TUBB: variants seen among roughly 807,000 people sequenced by gnomAD.
The protein encoded by TUBB is tubulin beta chain.
A neutral mutation model predicts 35.1 loss-of-function variants in TUBB; 2 were observed. That is an observed-to-expected ratio of 0.06 (90% CI 0.02 to 0.18). TUBB has a LOEUF of 0.18. Ranked by LOEUF, TUBB falls within the 10% of genes least tolerant of loss-of-function variation. The probability of loss-of-function intolerance (pLI) is 1.00; values close to 1 mark genes in which losing one functional copy is unlikely to be tolerated. For synonymous variants in TUBB, 205 were observed against 223.8 expected (o/e 0.92, Z 0.75); for missense variants, 50 against 599.4 (o/e 0.08, Z 9.57).
rs1581666286 is a variant in TUBB, at chr6:30,722,801, A to T, written c.167-117A>T. Reference sequence around the variant, plus strand: ...GTCGGGGCCAAAGACGTCTGCTGCCACCTGGTGGCGGGACCTGGAATGACA... The same window carrying T: ...GTCGGGGCCAAAGACGTCTGCTGCCTCCTGGTGGCGGGACCTGGAATGACA... On this transcript the variant is annotated intron_variant, in intron 2 of 3. Coordinates refer to ENST00000327892, the MANE Select transcript of TUBB (RefSeq NM_178014.4). 9 of 1,134,926 alleles carry T rather than the reference A, an allele frequency of 7.9e-6. No individual in the cohort carries two copies. In the East Asian group the frequency reaches 2.2e-4, roughly 28 times the overall value. The allele number at this position is 1,134,926 out of a possible 1,614,324, so 70.3% of individuals were successfully genotyped here.
intron 1 of TUBB, chr6:30,721,452 C>G: frequency 1.5e-6 from 1 of 687,492 alleles, no homozygotes; most frequent in Non-Finnish European, 1.8e-6. Context: ...CGTGGGCGCG[C>G]GGGGACAATG....
rs755911366 is a variant in TUBB, at chr6:30,723,989, A to T, written c.927A>T (p.Arg309=). ...CTGCCTGTGACCCCCGCCACGGCCG[A>T]TACCTCACCGTGGCTGCTGTCTTCC... ...MMAACDPRHG[R]YLTVAAVFRG... The change falls in exon 4 of 4, where the codon CGA becomes CGT. Residue 309 remains arginine, a synonymous_variant. Transcript: ENST00000327892. The T allele has an allele frequency of 1.1e-5, 18 of 1,613,998 alleles. No individual in the cohort carries two copies. The highest frequency in any genetic ancestry group is 1.4e-5 in the Non-Finnish European group (16 of 1,180,006).
intron 1 of TUBB, chr6:30,721,919 C>T: frequency 1.0e-6 from 1 of 983,956 alleles, no homozygotes; most frequent in Non-Finnish European, 1.2e-6. Flanking sequence ...TGGGATCCCT[C>T]CAGGTCAGGG....
At position 30,724,277 on chromosome 6, in the gene TUBB, G is replaced by A. The variant is rs1182189971; in HGVS notation, c.1215G>A (p.Glu405=). ...GGTACACAGGCGAGGGCATGGACGAGATGGAGTTCACCGAGGCTGAGAGCA... is the reference window on the plus strand; with the variant it reads ...GGTACACAGGCGAGGGCATGGACGAAATGGAGTTCACCGAGGCTGAGAGCA... ...LHWYTGEGMD[E]MEFTEAESNM... Residue 405 remains glutamate (E), a synonymous_variant, in exon 4 of 4, where the codon GAG becomes GAA. Transcript: ENST00000327892. This position sits in a 1 kb window ranked among gnomAD's most constrained non-coding sequence, Gnocchi z 4.4. The A allele has an allele frequency of 1.2e-6, 2 of 1,613,552 alleles. No individual in the cohort carries two copies. Among genetic ancestry groups the A allele is most frequent in the Non-Finnish European group, 1.7e-6 (2 of 1,179,888 alleles).
chr6:30,722,722 C>A, intron 2 of TUBB, 77 bp downstream of exon 2: 1 of 1,329,584 alleles, frequency 7.5e-7, no homozygotes. Flanking sequence ...CATTTCTGGG[C>A]ACGCCTTATC....
chr6:30,720,674 C>T, intron 1 of TUBB, 111 bp downstream of exon 1: 3 of 940,012 alleles, frequency 3.2e-6, no homozygotes, highest in African/African-American at 1.7e-5. Flanking sequence ...AGATTTGCCC[C>T]TCTCAAGTTT....
intron 2 of TUBB, 37 bp downstream of exon 2, chr6:30,722,682 C>A: frequency 6.5e-7 from 1 of 1,531,268 alleles, no homozygotes; most frequent in Non-Finnish European, 9.0e-7. Context: ...GGTTCCCTTC[C>A]CTGTCTCCCA....
rs554646933 is a variant in TUBB at position 30,723,641 on chromosome 6, A to G, written c.579A>G (p.Val193=). The G allele has an allele frequency of 1.3e-5, 21 of 1,614,208 alleles. No homozygotes were observed. Among genetic ancestry groups the G allele is most frequent in the East Asian group, 4.5e-5 (2 of 44,894 alleles). The change falls in exon 4 of 4, where the codon GTA becomes GTG. Residue 193 remains valine (V), a synonymous_variant. Coordinates refer to ENST00000327892, the MANE Select transcript of TUBB (RefSeq NM_178014.4). ...YNATLSVHQL[V]ENTDETYCID... ...CCACCCTCTCCGTCCATCAGTTGGT[A>G]GAGAATACTGATGAGACCTATTGCA...
At chr6:30,723,251 C>T (rs1169623828) in intron 3 of TUBB, 89 bp from the exon 4 acceptor site, 13 of 1,148,148 alleles carry the variant, frequency 1.1e-5, no homozygotes, top group Admixed American at 8.0e-5. Flanking sequence ...AAGATACATC[C>T]GAGGGAATTA....
At chr6:30,723,057 G>C (rs536531543) in intron 3 of TUBB, 29 bp downstream of exon 3, 1 of 1,547,682 alleles carries the variant, frequency 6.5e-7, no homozygotes, top group South Asian at 1.1e-5. Flanking sequence ...ATTAGCAGAT[G>C]ATATACCATC....
chr6:30,720,565 TAAG>T lies in TUBB; in HGVS notation c.57+5_57+7del, dbSNP rs1776147741. ...TGTGGCAACCAGATCGGTGCCAAGG[TAAG>T]AATTTTACACCTCTTTTATTTCTTT... On this transcript the variant is annotated splice_donor_5th_base_variant and intron_variant, in intron 1 of 3. Coordinates refer to ENST00000327892, the MANE Select transcript of TUBB (RefSeq NM_178014.4). The T allele has an allele frequency of 1.2e-6, 2 of 1,610,162 alleles. No homozygotes were observed. The highest frequency in any genetic ancestry group is 2.7e-5 in the African/African-American group (2 of 74,594).
chr6:30,721,467 G>C, intron 1 of TUBB: 1 of 844,066 alleles, frequency 1.2e-6, no homozygotes, highest in Non-Finnish European at 1.4e-6. Context: ...ACAATGCGGC[G>C]TTGCCCGCCG....
At position 30,723,432 on chromosome 6, in the gene TUBB, G is replaced by T; in HGVS notation, c.370G>T (p.Ala124Ser). The T allele has an allele frequency of 6.2e-7, 1 of 1,614,206 alleles. No homozygotes were observed. Among genetic ancestry groups the T allele is most frequent in the Non-Finnish European group, 8.5e-7 (1 of 1,180,020 alleles). The change falls in exon 4 of 4, where the codon GCA (alanine) becomes TCA (serine). Residue 124 changes from alanine to serine, a missense_variant. This residue lies in a region of TUBB where 38 missense variants were observed against 578.9 expected (regional missense o/e 0.07). Transcript: ENST00000327892. ...TGTCCTGGATGTGGTACGGAAGGAG[G>T]CAGAGAGCTGTGACTGCCTGCAGGG... ...DSVLDVVRKE[A>S]ESCDCLQGFQ...
rs1297405074 is a variant in TUBB at position 30,725,039 on chromosome 6, C to CT, written c.*643dup. 3 of 149,190 alleles carry CT rather than the reference C, an allele frequency of 2.0e-5. No homozygotes were observed. The highest frequency in any genetic ancestry group is 7.7e-5 in the African/African-American group (3 of 39,060). The allele number at this position is 149,190 out of a possible 1,614,324, so 9.2% of individuals were successfully genotyped here. A position where few individuals can be genotyped will look rare whatever the true frequency, so the allele number is the denominator to read the frequency against. On this transcript the variant is annotated 3_prime_UTR_variant, in exon 4 of 4. Transcript: ENST00000327892. The stretch of plus-strand genomic sequence containing the variant: ...TCCCTTTCCAACTCTACCTCCCTCA[C>CT]TCAGCTCCTTTCCCCTGATCAGAGA...
rs1177381110 is a variant in TUBB, at chr6:30,724,231, G to A, written c.1169G>A (p.Arg390His). ...TCGGAGCAGTTCACTGCCATGTTCC[G>A]CCGGAAGGCCTTCCTCCACTGGTAC... ...RISEQFTAMF[R>H]RKAFLHWYTG... The change falls in exon 4 of 4, where the codon CGC (arginine) becomes CAC (histidine). Residue 390 changes from arginine to histidine, a missense_variant. Physicochemically the swap from Arg to His is conservative, Grantham distance 29 (BLOSUM62 0). Coordinates refer to ENST00000327892, the MANE Select transcript of TUBB (RefSeq NM_178014.4). The surrounding 1 kb of genome is among the most constrained non-coding windows in gnomAD (Gnocchi z 4.4). 1 of 1,613,824 alleles carries A rather than the reference G, an allele frequency of 6.2e-7. No homozygotes were observed. Among genetic ancestry groups the A allele is most frequent in the Non-Finnish European group, 8.5e-7 (1 of 1,179,900 alleles).
In TUBB at chr6:30,720,499, T is replaced by G; in HGVS notation, c.-8T>G. Reference sequence around the variant, plus strand: ...CCTTGAGGCGAGCAAAAAAATTAAATTTTAACCATGAGGGAAATCGTGCAC... The same window carrying G: ...CCTTGAGGCGAGCAAAAAAATTAAAGTTTAACCATGAGGGAAATCGTGCAC... On this transcript the variant is annotated 5_prime_UTR_variant, in exon 1 of 4. Coordinates refer to ENST00000327892, the MANE Select transcript of TUBB (RefSeq NM_178014.4). 3.1e-6 allele frequency: 5 copies of G among 1,614,148 alleles called. No homozygotes were observed. Among genetic ancestry groups the G allele is most frequent in the Non-Finnish European group, 3.4e-6 (4 of 1,179,966 alleles).
chr6:30,721,516 G>C lies in TUBB; in HGVS notation c.57+953G>C, dbSNP rs1001719194. ...ACCTTGGGCCCCGCCCCTCGCGCGC[G>C]GAATTTTTGTCCCTGGCCCCGCCCA... On this transcript the variant is annotated intron_variant, in intron 1 of 3. Coordinates refer to ENST00000327892, the MANE Select transcript of TUBB (RefSeq NM_178014.4). 3 of 982,736 alleles carry C rather than the reference G, an allele frequency of 3.1e-6. No homozygotes were observed. In the Admixed American group the frequency reaches 1.8e-4, roughly 60 times the overall value. 60.9% of individuals were successfully genotyped at this position (982,736 alleles called of 1,614,324 possible).
chr6:30,722,216 TG>T, intron 1 of TUBB: 1 of 298,098 alleles, frequency 3.4e-6, no homozygotes. Context: ...GAGGCCAAGG[TG>T]GGCGGATCAC....
chr6:30,721,250 C>G (rs1776207985), intron 1 of TUBB, among the ~76,000 whole-genome samples: 1 of 151,856 alleles, frequency 6.6e-6, no homozygotes, highest in Admixed American at 6.5e-5. Flanking sequence ...ATGAGTCCCT[C>G]AGGACTTAAT....
Sources: gnomAD v4.1 joint callset for allele counts (sites outside exome capture counted in the v4.1 genomes callset) on GRCh38, gnomAD v4.1.1 for gene constraint, gnomAD v4.1.1 regional missense constraint, Gnocchi (gnomAD v3.1) non-coding constraint, MANE v1.5 for transcripts, NCBI Gene and HGNC (gene_info 2026-07-23, HGNC 2026-07-21) for gene names.